The following SLC39A12 variants were observed in gnomAD, a reference collection of about 807,000 sequenced individuals.
SLC39A12 encodes zinc transporter ZIP12.
SLC39A12 carries 63 observed loss-of-function variants against 71.1 expected under a neutral mutation model. The ratio of observed to expected loss-of-function variants is 0.89; its 90% confidence interval spans 0.72 to 1.09. SLC39A12 has a LOEUF of 1.09. Among genes scored for constraint, SLC39A12 ranks in the 50% least tolerant of loss-of-function variants. The pLI is 0.00. For missense variants in SLC39A12, 892 were observed against 812.6 expected, an observed-to-expected ratio of 1.10 and a Z score of -1.19; for synonymous variants, 351 against 301.3, an observed-to-expected ratio of 1.16 and a Z score of -1.71.
chr10:17,966,816 C>T (rs944594429), intron 4 of SLC39A12, among the ~76,000 whole-genome samples: 4 of 151,130 alleles, frequency 2.6e-5, no homozygotes, highest in African/African-American at 9.7e-5. Flanking sequence ...ACTAAAAATA[C>T]AAAAAAAATT....
At chr10:17,968,329 C>T (rs1031104604) in intron 4 of SLC39A12, among the ~76,000 whole-genome samples, 4 of 151,944 alleles carry the variant, frequency 2.6e-5, no homozygotes, top group African/African-American at 7.2e-5. Context: ...GAAAGAGGAG[C>T]CCGTAGTATT....
rs563836640 is a variant in SLC39A12 at position 18,012,008 on chromosome 10, A to G, written c.1947+8650A>G. 4.3e-4 allele frequency among the ~76,000 whole-genome samples: 65 copies of G among 152,316 alleles called. 1 individual carries two copies. In the South Asian group the frequency reaches 0.013, roughly 32 times the overall value. Reference sequence around the variant, plus strand: ...AGCTGTGGTCTTTGCTTTCTTGAATAACAAGGAAGGTTAAAACAGCTATGT... The same window carrying G: ...AGCTGTGGTCTTTGCTTTCTTGAATGACAAGGAAGGTTAAAACAGCTATGT... On this transcript the variant is annotated intron_variant, in intron 12 of 12. Transcript: ENST00000377369.
At position 18,043,055 on chromosome 10, in the gene SLC39A12, A is replaced by G; in HGVS notation, c.*222A>G. ...AATTTTGTCTTTGGTTTCCAACACC[A>G]TGATGAAGCTCTTGCTTTTTAAAAA... On this transcript the variant is annotated 3_prime_UTR_variant, in exon 13 of 13. Coordinates refer to ENST00000377369, the MANE Select transcript of SLC39A12 (RefSeq NM_001145195.2). The G allele has an allele frequency of 3.8e-6, 1 of 265,036 alleles. No homozygotes were observed. The highest frequency in any genetic ancestry group is 6.9e-6 in the Non-Finnish European group (1 of 144,152). 16.4% of individuals were successfully genotyped at this position (265,036 alleles called of 1,614,324 possible).
intron 12 of SLC39A12, among the ~76,000 whole-genome samples, chr10:18,031,563 A>T (rs1213085936): frequency 9.2e-6 from 1 of 109,238 alleles, no homozygotes; most frequent in Admixed American, 9.5e-5. Flanking sequence ...TTGTCAGATG[A>T]GTAGGTTGCG....
chr10:18,037,807 G>A (rs769318486), intron 12 of SLC39A12, among the ~76,000 whole-genome samples: 24 of 151,398 alleles, frequency 1.6e-4, no homozygotes, highest in Admixed American at 3.3e-4. Flanking sequence ...GCGGATCACC[G>A]TCAGGAGATG....
chr10:18,032,770 G>T (rs1713810538), intron 12 of SLC39A12, among the ~76,000 whole-genome samples: 1 of 151,816 alleles, frequency 6.6e-6, no homozygotes, highest in African/African-American at 2.4e-5. Context: ...CATTCAATAT[G>T]ATATTGGCTG....
chr10:17,953,420 G>C lies in SLC39A12; in HGVS notation c.144G>C (p.Gln48His), dbSNP rs377370181. 2 of 1,614,166 alleles carry C rather than the reference G, an allele frequency of 1.2e-6. No individual in the cohort carries two copies. The highest frequency in any genetic ancestry group is 1.7e-6 in the Non-Finnish European group (2 of 1,180,046). Residue 48 changes from glutamine (Q) to histidine (H), a missense_variant, in exon 2 of 13, where the codon CAG becomes CAC. Transcript: ENST00000377369. The part of the protein sequence containing the change: ...GSSGQPADLL[Q>H]VLSAGDHPPH... ...CAGGCCAACCGGCAGACCTGCTACAGGTTCTCTCTGCTGGTGACCACCCAC... is the reference window on the plus strand; with the variant it reads ...CAGGCCAACCGGCAGACCTGCTACACGTTCTCTCTGCTGGTGACCACCCAC...
At chr10:17,964,107 A>G (rs1236086469) in intron 3 of SLC39A12, among the ~76,000 whole-genome samples, 1 of 152,150 alleles carries the variant, frequency 6.6e-6, no homozygotes. Context: ...CCCCACGCAA[A>G]GGACTTCAGG....
Position 17,978,057 on chromosome 10 carries a change from C to G in SLC39A12, c.907C>G (p.Pro303Ala), listed in dbSNP as rs530401200. 16 of 1,598,090 alleles carry G rather than the reference C, an allele frequency of 1.0e-5. No individual in the cohort carries two copies. The African/African-American group carries it at 2.0e-4, about 20-fold the overall frequency. The part of the protein sequence containing the change: ...SSMEKESEDG[P>A]VSWDQTCFSA... ...CATGGAAAAAGAGTCTGAGGATGGT[C>G]CAGTTTCCTGGGATCAGGTATTGCC... is the stretch of plus-strand genomic sequence containing the variant. The change falls in exon 5 of 13, where the codon CCA (proline) becomes GCA (alanine). Residue 303 changes from proline (P) to alanine (A), a missense_variant. Coordinates refer to ENST00000377369, the MANE Select transcript of SLC39A12 (RefSeq NM_001145195.2).
At chr10:18,032,893 A>C (rs1836890622) in intron 12 of SLC39A12, among the ~76,000 whole-genome samples, 1 of 124,628 alleles carries the variant, frequency 8.0e-6, no homozygotes, top group Non-Finnish European at 1.7e-5. Context: ...CTTTTTCTGC[A>C]TCTATTGAGA....
intron 4 of SLC39A12, among the ~76,000 whole-genome samples, chr10:17,969,942 TTTTGA>T (rs140158061): frequency 0.014 from 2,061 of 152,298 alleles, 42 homozygotes; most frequent in African/African-American, 0.043. Flanking sequence ...CTTTAATCCA[TTTTGA>T]TTTGATTTGA....
At position 17,993,371 on chromosome 10, in the gene SLC39A12, A is replaced by G. The variant is rs1835603855; in HGVS notation, c.1533+80A>G. The G allele has an allele frequency of 4.1e-6, 4 of 984,414 alleles. No homozygotes were observed. The Admixed American group carries it at 7.0e-5, about 17-fold the overall frequency. 61.0% of individuals were successfully genotyped at this position (984,414 alleles called of 1,614,324 possible). A position where few individuals can be genotyped will look rare whatever the true frequency, so the allele number is the denominator to read the frequency against. On this transcript the variant is annotated intron_variant, in intron 9 of 12. Coordinates refer to ENST00000377369, the MANE Select transcript of SLC39A12 (RefSeq NM_001145195.2). ...CCTCAATGAACAAATGAAAATCAGTAGGGTAGATAAACAGATTTCATACTC... is the reference window on the plus strand; with the variant it reads ...CCTCAATGAACAAATGAAAATCAGTGGGGTAGATAAACAGATTTCATACTC...
intron 9 of SLC39A12, among the ~76,000 whole-genome samples, chr10:17,994,887 A>G (rs1323453988): frequency 6.6e-6 from 1 of 152,194 alleles, no homozygotes; most frequent in African/African-American, 2.4e-5. Flanking sequence ...ACTTCTATGC[A>G]TATGCTTTTA....
intron 12 of SLC39A12, among the ~76,000 whole-genome samples, chr10:18,027,933 T>A (rs912060180): frequency 4.6e-5 from 7 of 152,264 alleles, no homozygotes; most frequent in Non-Finnish European, 1.0e-4. Context: ...GAATGTGTGT[T>A]CCTCTAGAAA....
intron 2 of SLC39A12, among the ~76,000 whole-genome samples, chr10:17,958,473 T>C (rs1281702198): frequency 3.3e-5 from 5 of 152,070 alleles, no homozygotes; most frequent in African/African-American, 4.8e-5. Flanking sequence ...TGACCTCTAC[T>C]CCCATCAAAT....
At chr10:17,986,894 G>A (rs55812394) in intron 6 of SLC39A12, among the ~76,000 whole-genome samples, 16,331 of 152,090 alleles carry the variant, frequency 0.11, 1,217 homozygotes, top group Non-Finnish European at 0.15. Flanking sequence ...AGTCCCAGCT[G>A]CTCGAGGGTC....
chr10:18,003,625 T>G (rs916223284), intron 12 of SLC39A12, among the ~76,000 whole-genome samples: 6 of 152,162 alleles, frequency 3.9e-5, no homozygotes, highest in African/African-American at 1.2e-4. Flanking sequence ...TTTCTTTTAG[T>G]GATTTTAAGT....
rs1170985889 is a variant in SLC39A12 at position 18,036,781 on chromosome 10, TATATATA to T, written c.1948-5923_1948-5917del. Among the ~76,000 whole-genome samples the T allele has an allele frequency of 7.2e-3, 102 of 14,184 alleles. 6 individuals carry two copies. Among genetic ancestry groups the T allele is most frequent in the African/African-American group, 0.018 (96 of 5,378 alleles). The allele number at this position is 14,184 out of a possible 152,430, so 9.3% of individuals were successfully genotyped here. On this transcript the variant is annotated intron_variant, in intron 12 of 12. Transcript: ENST00000377369. ...ATATATATATATATATATATATATA[TATATATA>T]TATATATTTTTTTTTTTAATGGAAT... is the stretch of plus-strand genomic sequence containing the variant.
Position 18,003,278 on chromosome 10 carries a change from G to A in SLC39A12, c.1867G>A (p.Val623Met), listed in dbSNP as rs142995301. The A allele has an allele frequency of 2.0e-4, 319 of 1,613,990 alleles. No homozygotes were observed. In the East Asian group the frequency reaches 3.0e-3, roughly 15 times the overall value. The change falls in exon 12 of 13, where the codon GTG becomes ATG. Residue 623 changes from valine to methionine, a missense_variant. By Grantham distance (21) the Val-to-Met change is conservative. Transcript: ENST00000377369. ...CATGGGATTATACATTGGCCTTTCC[G>A]TGTCAGCTGATCCATGTGTTCAAGA... ...AFMGLYIGLS[V>M]SADPCVQDWI... is the part of the protein sequence containing the mutation.
Sources: allele counts gnomAD v4.1 joint callset (sites outside exome capture counted in the v4.1 genomes callset), GRCh38; gene constraint gnomAD v4.1.1; transcripts MANE v1.5; gene names NCBI Gene and HGNC (gene_info 2026-07-23, HGNC 2026-07-21).